The following KCNQ2 variants were observed in gnomAD, a reference collection of about 807,000 sequenced individuals.
The protein encoded by KCNQ2 is potassium voltage-gated channel subfamily KQT member 2.
Under a neutral mutation model 84.8 loss-of-function variants are expected in KCNQ2, and 14 were observed. That is an observed-to-expected ratio of 0.17 (90% confidence interval 0.11 to 0.26). The LOEUF is 0.26. KCNQ2 is among the 10% of genes least tolerant of loss of function. The pLI, the probability that KCNQ2 is intolerant of heterozygous loss-of-function variation, is 1.00. For synonymous variants in KCNQ2, 599 were observed against 554.1 expected (o/e 1.08, Z -1.14); for missense variants, 788 against 1,254.0 (o/e 0.63, Z 5.61).
chr20:63,418,637 A>G (rs966117952), intron 12 of KCNQ2, among the ~76,000 whole-genome samples: 4 of 152,230 alleles, frequency 2.6e-5, no homozygotes, highest in African/African-American at 9.6e-5. Flanking sequence ...AGCACCCTGA[A>G]TAGATGCTCC....
intron 12 of KCNQ2, among the ~76,000 whole-genome samples, chr20:63,415,572 C>CCACGGGGACCGAGCACCCGG (rs2080273675): frequency 6.7e-6 from 1 of 149,858 alleles, no homozygotes; most frequent in Admixed American, 6.6e-5. Flanking sequence ...GGAGGGGAGG[C>CCACGGGGACCGAGCACCCGG]TGGGTGGGCA....
At position 63,472,133 on chromosome 20, in the gene KCNQ2, TGGGGGTCGCCAC is replaced by T. The variant is rs1568986017; in HGVS notation, c.296+23_296+34del. On this transcript the variant is annotated intron_variant, in intron 1 of 16. Coordinates refer to ENST00000359125, the MANE Select transcript of KCNQ2 (RefSeq NM_172107.4). ...ATGGGGTCGCCGATGGGGGTCGCCATGGGGGTCGCCACGGGGGCCCCGCCGGCCACTCACACG... is the reference window on the plus strand; with the variant it reads ...ATGGGGTCGCCGATGGGGGTCGCCATGGGGGCCCCGCCGGCCACTCACACG... 2.1e-6 allele frequency: 3 copies of T among 1,441,482 alleles called. No homozygotes were observed. In the African/African-American group the frequency reaches 4.5e-5, roughly 21 times the overall value. The allele number at this position is 1,441,482 out of a possible 1,614,324, so 89.3% of individuals were successfully genotyped here.
intron 5 of KCNQ2, 98 bp downstream of exon 5, chr20:63,442,308 G>A (rs900826553): frequency 2.0e-6 from 3 of 1,522,182 alleles, no homozygotes; most frequent in Middle Eastern, 1.8e-4. Context: ...GCCCCAAAGA[G>A]ATGTATGGAG....
intron 12 of KCNQ2, among the ~76,000 whole-genome samples, chr20:63,415,715 C>T (rs1466553706): frequency 6.6e-6 from 1 of 152,170 alleles, no homozygotes; most frequent in Non-Finnish European, 1.5e-5. Context: ...TCCTGCCAGC[C>T]CCTCACCCAG....
In KCNQ2 at chr20:63,428,381, A is replaced by G. The variant is rs756007198; in HGVS notation, c.1203T>C (p.Ser401=). 5.1e-6 allele frequency: 8 copies of G among 1,575,168 alleles called. No individual in the cohort carries two copies. In the African/African-American group the frequency reaches 9.4e-5, roughly 18 times the overall value. ...LELLRNLKSK[S]GLAFRKDPPP... ...CCCCAGCTGACCTGAAAGCGAGTCCAGATTTACTCTTGAGGTTCCTCAGCA... is the reference window on the plus strand; with the variant it reads ...CCCCAGCTGACCTGAAAGCGAGTCCGGATTTACTCTTGAGGTTCCTCAGCA... The change falls in exon 10 of 17, where the codon TCT becomes TCC. Residue 401 remains serine (S), a synonymous_variant. Transcript: ENST00000359125.
chr20:63,431,197 A>G (rs976576953), intron 9 of KCNQ2, 143 bp downstream of exon 9: 49 of 967,286 alleles, frequency 5.1e-5, no homozygotes, highest in Non-Finnish European at 7.5e-5. Flanking sequence ...GGCAGGGGGC[A>G]TAGGGATGCT....
intron 12 of KCNQ2, among the ~76,000 whole-genome samples, chr20:63,416,937 G>A (rs984018485): frequency 5.3e-5 from 8 of 152,276 alleles, no homozygotes; most frequent in South Asian, 4.2e-4. Context: ...CCACTCAGGC[G>A]TCTCTGAGAG....
rs563622963 is a variant in KCNQ2 at position 63,422,071 on chromosome 20, C to T, written c.1247+2106G>A. 1.1e-4 allele frequency among the ~76,000 whole-genome samples: 16 copies of T among 152,290 alleles called. No individual in the cohort carries two copies. The East Asian group carries it at 2.5e-3, about 24-fold the overall frequency. ...ACCTGCCAAGACCAGCTGACACCAG[C>T]GGGGTCCTGCCATGCGGGGTGCGGG... On this transcript the variant is annotated intron_variant, in intron 11 of 16. Coordinates refer to ENST00000359125, the MANE Select transcript of KCNQ2 (RefSeq NM_172107.4).
At chr20:63,427,227 A>G (rs1418488223) in intron 10 of KCNQ2, among the ~76,000 whole-genome samples, 5 of 152,212 alleles carry the variant, frequency 3.3e-5, no homozygotes, top group Non-Finnish European at 5.9e-5. Context: ...ATCTCAAAAT[A>G]ATAATAATAA....
At chr20:63,411,982 G>C in intron 15 of KCNQ2, 1 of 659,762 alleles carries the variant, frequency 1.5e-6, no homozygotes, top group Non-Finnish European at 2.8e-6. Flanking sequence ...AAGCAACAGG[G>C]AGGCTCCGTC....
At chr20:63,419,246 G>C (rs2080393421) in intron 12 of KCNQ2, among the ~76,000 whole-genome samples, 1 of 149,916 alleles carries the variant, frequency 6.7e-6, no homozygotes, top group Non-Finnish European at 1.5e-5. Flanking sequence ...CAGCCAGGAA[G>C]GCTCAGTCAT....
rs1568862506 is a variant in KCNQ2, at chr20:63,407,346, G to A, written c.1917C>T (p.Phe639=). Residue 639 remains phenylalanine (F), a synonymous_variant, in exon 17 of 17, where the codon TTC becomes TTT. Coordinates refer to ENST00000359125, the MANE Select transcript of KCNQ2 (RefSeq NM_172107.4). This position sits in a 1 kb window ranked among gnomAD's most constrained non-coding sequence, Gnocchi z 7.2. ...TCCGCTGCATGTAGATATTCACCAG[G>A]AAGTCCAGCTTCTTCTCCATGGACA... ...QVLSMEKKLD[F]LVNIYMQRMG... 1.9e-6 allele frequency: 3 copies of A among 1,597,642 alleles called. No homozygotes were observed. The highest frequency in any genetic ancestry group is 2.5e-6 in the Non-Finnish European group (3 of 1,179,444).
rs550201031 is a variant in KCNQ2, at chr20:63,400,533, G to A, written c.*6111C>T. On this transcript the variant is annotated 3_prime_UTR_variant, in exon 17 of 17. Transcript: ENST00000359125. The surrounding 1 kb of genome is among the most constrained non-coding windows in gnomAD (Gnocchi z 8.7). Reference sequence around the variant, plus strand: ...CACCAAAAAAAGGCCTGGTCACTACGGCACAAGGACACATACAAAATGGTC... The same window carrying A: ...CACCAAAAAAAGGCCTGGTCACTACAGCACAAGGACACATACAAAATGGTC... 41 of 398,048 alleles carry A rather than the reference G, an allele frequency of 1.0e-4. No individual in the cohort carries two copies. The South Asian group carries it at 1.1e-3, about 10-fold the overall frequency. 24.7% of individuals were successfully genotyped at this position (398,048 alleles called of 1,614,324 possible).
intron 1 of KCNQ2, among the ~76,000 whole-genome samples, chr20:63,469,313 T>C (rs553369877): frequency 6.6e-6 from 1 of 152,230 alleles, no homozygotes; most frequent in Non-Finnish European, 1.5e-5. Context: ...AGAGCAGGTC[T>C]GACGCCCTTC....
At chr20:63,442,710 C>T (rs867346378) in intron 4 of KCNQ2, among the ~76,000 whole-genome samples, 179 bp from the exon 5 acceptor site, 14 of 46,930 alleles carry the variant, frequency 3.0e-4, no homozygotes, top group East Asian at 2.4e-3. Context: ...ATCACCATCA[C>T]CACCACCACC....
intron 15 of KCNQ2, among the ~76,000 whole-genome samples, chr20:63,413,048 T>G (rs1359569063): frequency 6.6e-5 from 10 of 152,084 alleles, no homozygotes. Context: ...CCAACACACA[T>G]GCACACATGT....
At position 63,417,149 on chromosome 20, in the gene KCNQ2, A is replaced by C. The variant is rs996643996; in HGVS notation, c.1302-2023T>G. Among the ~76,000 whole-genome samples the C allele has an allele frequency of 3.9e-5, 6 of 152,180 alleles. No homozygotes were observed. The South Asian group carries it at 8.3e-4, about 21-fold the overall frequency. ...GCCCATGGGGGCCAGGGGTGCTCAGAGTCCTGGTGCTGTGGGTGCCTCTGT... is the reference window on the plus strand; with the variant it reads ...GCCCATGGGGGCCAGGGGTGCTCAGCGTCCTGGTGCTGTGGGTGCCTCTGT... On this transcript the variant is annotated intron_variant, in intron 12 of 16. Coordinates refer to ENST00000359125, the MANE Select transcript of KCNQ2 (RefSeq NM_172107.4).
chr20:63,459,629 G>A (rs1317486668), intron 1 of KCNQ2: 1 of 152,192 alleles, frequency 6.6e-6, no homozygotes, highest in Non-Finnish European at 1.5e-5. Context: ...GTCCACATGG[G>A]GTGACAAGTT....
chr20:63,447,430 G>A (rs1049752650), intron 1 of KCNQ2: 2 of 154,638 alleles, frequency 1.3e-5, no homozygotes, highest in South Asian at 4.0e-4. Flanking sequence ...CTTCCTCCCG[G>A]GTTGCAGGCA....
Sources: allele counts gnomAD v4.1 joint callset (sites outside exome capture counted in the v4.1 genomes callset), GRCh38; gene constraint gnomAD v4.1.1; non-coding constraint Gnocchi (gnomAD v3.1); transcripts MANE v1.5; gene names NCBI Gene and HGNC (gene_info 2026-07-23, HGNC 2026-07-21).